TRIM37: variants seen among roughly 807,000 people sequenced by gnomAD.
TRIM37 encodes tripartite motif containing 37.
In TRIM37, 80 loss-of-function variants were observed where a neutral mutation model predicts 129.8. The ratio of observed to expected loss-of-function variants is 0.62; its 90% CI spans 0.51 to 0.74. The LOEUF (loss-of-function observed/expected upper bound fraction) is 0.74, where lower values mean the gene tolerates loss of function less well. Ranked by LOEUF, TRIM37 falls within the 30% of genes least tolerant of loss-of-function variation. The pLI is 0.00. For missense variants in TRIM37, 1,054 were observed against 1,176.5 expected, an observed-to-expected ratio of 0.90 and a Z score of 1.52; for synonymous variants, 389 against 387.1, an observed-to-expected ratio of 1.00 and a Z score of -0.06.
At chr17:58,992,926 C>G (rs1365969269) in intron 24 of TRIM37, among the ~76,000 whole-genome samples, 4 of 152,124 alleles carry the variant, frequency 2.6e-5, no homozygotes, top group African/African-American at 9.7e-5. Flanking sequence ...AGGACAAAGG[C>G]CAGACAAATT....
intron 17 of TRIM37, among the ~76,000 whole-genome samples, chr17:59,036,447 GGTGT>G (rs10625636): frequency 0.013 from 1,773 of 140,658 alleles, 27 homozygotes; most frequent in African/African-American, 0.035. Context: ...ATTTGCTGGG[GGTGT>G]GTGTGTGTGT....
At position 59,004,864 on chromosome 17, in the gene TRIM37, G is replaced by A. The variant is rs376529490; in HGVS notation, c.2696-3150C>T. On this transcript the variant is annotated intron_variant, in intron 22 of 23. Coordinates refer to ENST00000262294, the MANE Select transcript of TRIM37 (RefSeq NM_015294.6). ...TCTTCCTTTTCTCTTTTTAAGAAGA[G>A]TTTGGTTAGCATTATTTCAGCCTTA... is the stretch of plus-strand genomic sequence containing the variant. Among the ~76,000 whole-genome samples the A allele has an allele frequency of 6.4e-4, 97 of 152,320 alleles. No homozygotes were observed. In the South Asian group the frequency reaches 9.9e-3, roughly 16 times the overall value.
At chr17:59,081,261 C>T (rs373075117) in intron 5 of TRIM37, 42 bp from the exon 6 acceptor site, 3 of 1,600,534 alleles carry the variant, frequency 1.9e-6, no homozygotes, top group Non-Finnish European at 2.6e-6. Context: ...TCACATATCT[C>T]ATCTGCATTT....
intron 13 of TRIM37, among the ~76,000 whole-genome samples, chr17:59,055,734 A>G (rs2146317416): frequency 6.6e-6 from 1 of 151,524 alleles, no homozygotes; most frequent in African/African-American, 2.4e-5. Context: ...ACTCAAGGAT[A>G]TAACGAGGGG....
chr17:58,991,826 TG>T (rs942399454), intron 24 of TRIM37, among the ~76,000 whole-genome samples: 2 of 152,140 alleles, frequency 1.3e-5, no homozygotes, highest in African/African-American at 4.8e-5. Context: ...GAATGCAGAA[TG>T]GTATGTCACT....
At position 59,039,151 on chromosome 17, in the gene TRIM37, A is replaced by G. The variant is rs991111278; in HGVS notation, c.1753+2662T>C. 3.3e-5 allele frequency among the ~76,000 whole-genome samples: 5 copies of G among 152,178 alleles called. No homozygotes were observed. The South Asian group carries it at 8.3e-4, about 25-fold the overall frequency. The stretch of plus-strand genomic sequence containing the variant: ...AAAGTAAACATGAAATGCATGTAAC[A>G]TGCATGTTTGTCTACTATGCATGCG... On this transcript the variant is annotated intron_variant, in intron 17 of 23. Coordinates refer to ENST00000262294, the MANE Select transcript of TRIM37 (RefSeq NM_015294.6).
chr17:59,098,677 A>G (rs1905914475), intron 2 of TRIM37, among the ~76,000 whole-genome samples: 1 of 151,662 alleles, frequency 6.6e-6, no homozygotes, highest in Admixed American at 6.6e-5. Context: ...TTAAAAAAAA[A>G]AAAAAAAAAA....
In TRIM37 at chr17:58,987,985, T is replaced by C. The variant is rs546715546; in HGVS notation, c.2892-5064A>G. 3.3e-4 allele frequency among the ~76,000 whole-genome samples: 50 copies of C among 152,326 alleles called. 1 individual carries two copies. The South Asian group carries it at 0.01, about 32-fold the overall frequency. Reference sequence around the variant, plus strand: ...CAATGCAAACGAGCCAGATGAACTATAAATTAGGACATTTTTTCGAATCCA... The same window carrying C: ...CAATGCAAACGAGCCAGATGAACTACAAATTAGGACATTTTTTCGAATCCA... On this transcript the variant is annotated intron_variant, in intron 24 of 24. Coordinates refer to the TRIM37 transcript ENST00000393066.
At chr17:59,053,367 A>G (rs2040534846) in intron 13 of TRIM37, among the ~76,000 whole-genome samples, 1 of 152,208 alleles carries the variant, frequency 6.6e-6, no homozygotes. Context: ...TTAATAGGAT[A>G]ATGTGAAGCC....
chr17:59,023,324 C>T lies in TRIM37; in HGVS notation c.2257+5091G>A, dbSNP rs1297550236. Among the ~76,000 whole-genome samples, 6 of 152,088 alleles carry T rather than the reference C, an allele frequency of 3.9e-5. No homozygotes were observed. The East Asian group carries it at 5.8e-4, about 15-fold the overall frequency. On this transcript the variant is annotated intron_variant, in intron 19 of 23. Coordinates refer to ENST00000262294, the MANE Select transcript of TRIM37 (RefSeq NM_015294.6). ...AACTCCTGGCCTCAAGTAATCTGCACGACTTGGCCTCCCAAAGTGCTGGGA... is the reference window on the plus strand; with the variant it reads ...AACTCCTGGCCTCAAGTAATCTGCATGACTTGGCCTCCCAAAGTGCTGGGA...
intron 24 of TRIM37, among the ~76,000 whole-genome samples, chr17:58,987,583 C>CA (rs1470526620): frequency 1.3e-5 from 2 of 152,202 alleles, no homozygotes; most frequent in Non-Finnish European, 2.9e-5. Flanking sequence ...CATCCCTAAG[C>CA]AGAGTTCTAA....
intron 22 of TRIM37, among the ~76,000 whole-genome samples, chr17:59,005,301 T>G (rs959986860): frequency 2.0e-5 from 3 of 152,152 alleles, no homozygotes; most frequent in African/African-American, 7.2e-5. Flanking sequence ...CTTTTTTTTT[T>G]GAGACGGCGT....
the TRIM37 span, among the ~76,000 whole-genome samples, chr17:58,975,828 A>G: frequency 1.3e-5 from 2 of 152,196 alleles, no homozygotes. Context: ...TAGAGTAGAA[A>G]GAGCCTGGCT....
downstream of TRIM37, among the ~76,000 whole-genome samples, chr17:58,996,247 G>A (rs957324331): frequency 9.9e-5 from 15 of 152,086 alleles, no homozygotes; most frequent in African/African-American, 3.6e-4. Context: ...CGAGGCGGGT[G>A]GATCACTTGA....
chr17:59,073,486 G>A (rs2042559051), intron 8 of TRIM37, among the ~76,000 whole-genome samples: 1 of 152,054 alleles, frequency 6.6e-6, no homozygotes, highest in African/African-American at 2.4e-5. Flanking sequence ...TAGAGACGGG[G>A]TTTCACCATG....
intron 17 of TRIM37, among the ~76,000 whole-genome samples, chr17:59,034,954 T>C (rs1296941615): frequency 1.3e-5 from 2 of 152,190 alleles, no homozygotes; most frequent in African/African-American, 4.8e-5. Context: ...TGTATAAAAG[T>C]AGTAACAGAG....
chr17:59,036,226 A>G (rs1470158780), intron 17 of TRIM37, among the ~76,000 whole-genome samples: 1 of 152,084 alleles, frequency 6.6e-6, no homozygotes, highest in Non-Finnish European at 1.5e-5. Context: ...AGGGCAAGAG[A>G]GCAAGACTCC....
intron 21 of TRIM37, among the ~76,000 whole-genome samples, chr17:59,015,170 G>T (rs908166886): frequency 6.6e-6 from 1 of 152,002 alleles, no homozygotes; most frequent in East Asian, 1.9e-4. Context: ...AGGTGCAGTG[G>T]CTCACGCCTG....
chr17:59,074,598 T>A (rs1325741697), intron 8 of TRIM37, among the ~76,000 whole-genome samples: 1 of 152,210 alleles, frequency 6.6e-6, no homozygotes, highest in African/African-American at 2.4e-5. Flanking sequence ...CTGAGGGAAG[T>A]GTGATGTTAA....
Sources: gnomAD v4.1 joint callset for allele counts (sites outside exome capture counted in the v4.1 genomes callset) on GRCh38, gnomAD v4.1.1 for gene constraint, MANE v1.5 for transcripts, NCBI Gene and HGNC (gene_info 2026-07-23, HGNC 2026-07-21) for gene names.